CTNNA3: variants seen among roughly 807,000 people sequenced by gnomAD.
CTNNA3 encodes the protein catenin alpha-3.
In CTNNA3, 76 loss-of-function variants were observed where a neutral mutation model predicts 95.7. The observed-to-expected ratio is 0.79, with a 90% CI of 0.66 to 0.96. The LOEUF is 0.96. CTNNA3 is among the 40% of genes least tolerant of loss of function. CTNNA3 has a pLI of 0.00. For missense variants in CTNNA3, 1,191 were observed against 1,089.8 expected (o/e 1.09, Z -1.31); for synonymous variants, 431 against 374.4 (o/e 1.15, Z -1.74).
intron 11 of CTNNA3, among the ~76,000 whole-genome samples, chr10:66,474,257 G>A (rs1839243109): frequency 6.6e-6 from 1 of 151,956 alleles, no homozygotes. Flanking sequence ...CAAACACTAT[G>A]TCTATGAGAT....
At chr10:66,408,118 C>G (rs148363791) in intron 11 of CTNNA3, among the ~76,000 whole-genome samples, 19 of 152,286 alleles carry the variant, frequency 1.2e-4, no homozygotes, top group African/African-American at 4.1e-4. Context: ...AAAATGCCTA[C>G]ACATAGCTTC....
At chr10:67,315,302 A>G (rs1453458682) in intron 5 of CTNNA3, among the ~76,000 whole-genome samples, 1 of 152,184 alleles carries the variant, frequency 6.6e-6, no homozygotes, top group African/African-American at 2.4e-5. Context: ...ATTGATCATT[A>G]AATTGGGTGA....
chr10:66,929,727 A>G (rs1487549410), intron 7 of CTNNA3, among the ~76,000 whole-genome samples: 2 of 152,230 alleles, frequency 1.3e-5, no homozygotes, highest in African/African-American at 4.8e-5. Context: ...ACAGTTCTGT[A>G]CAGACCCTGT....
intron 11 of CTNNA3, among the ~76,000 whole-genome samples, chr10:66,492,479 G>A (rs1839958176): frequency 6.6e-6 from 1 of 151,308 alleles, no homozygotes; most frequent in Non-Finnish European, 1.5e-5. Context: ...GTAGAGACAG[G>A]GTCTTGCTAT....
intron 12 of CTNNA3, among the ~76,000 whole-genome samples, chr10:66,335,060 T>G: frequency 6.6e-6 from 1 of 152,120 alleles, no homozygotes; most frequent in Non-Finnish European, 1.5e-5. Context: ...GTAGTTCTCG[T>G]GCCATGGTTT....
intron 1 of CTNNA3, among the ~76,000 whole-genome samples, chr10:67,736,717 AGTGCTGGGATTTGGGAGCCAC>A (rs1407021948): frequency 6.6e-6 from 1 of 152,022 alleles, no homozygotes; most frequent in Non-Finnish European, 1.5e-5. Context: ...GGCCTCCCAA[AGTGCTGGGATTTGGGAGCCAC>A]CACACCCGGC....
intron 6 of CTNNA3, among the ~76,000 whole-genome samples, chr10:67,194,365 A>C (rs1336197794): frequency 6.6e-6 from 1 of 152,052 alleles, no homozygotes; most frequent in Non-Finnish European, 1.5e-5. Flanking sequence ...CAGACAATGG[A>C]ATATTACTCA....
At chr10:66,667,609 G>T (rs1397882901) in intron 9 of CTNNA3, among the ~76,000 whole-genome samples, 1 of 152,044 alleles carries the variant, frequency 6.6e-6, no homozygotes, top group Admixed American at 6.6e-5. Context: ...AGATTGCCTG[G>T]CTCTAGTATA....
At chr10:67,091,791 C>A (rs975891803) in intron 7 of CTNNA3, among the ~76,000 whole-genome samples, 1 of 151,892 alleles carries the variant, frequency 6.6e-6, no homozygotes, top group African/African-American at 2.4e-5. Context: ...AGATGGGCAA[C>A]AAGTAGATTA....
intron 7 of CTNNA3, among the ~76,000 whole-genome samples, chr10:66,994,826 A>G (rs1182000745): frequency 6.6e-6 from 1 of 152,190 alleles, no homozygotes. Context: ...TCCTTTGAGA[A>G]TTTCTATACA....
At chr10:66,646,224 A>G (rs1051601851) in intron 9 of CTNNA3, among the ~76,000 whole-genome samples, 2 of 152,152 alleles carry the variant, frequency 1.3e-5, no homozygotes, top group Non-Finnish European at 2.9e-5. Flanking sequence ...AACTAATACA[A>G]TATGAAAAAA....
intron 7 of CTNNA3, among the ~76,000 whole-genome samples, chr10:67,102,666 C>G (rs879712197): frequency 5.3e-5 from 8 of 151,770 alleles, no homozygotes; most frequent in Non-Finnish European, 8.8e-5. Flanking sequence ...AATAATATTT[C>G]AAATGTATCA....
chr10:66,164,705 T>A (rs968324173), intron 13 of CTNNA3, among the ~76,000 whole-genome samples: 2 of 152,198 alleles, frequency 1.3e-5, no homozygotes, highest in Admixed American at 1.3e-4. Flanking sequence ...AATATGGTTG[T>A]GTTCTATGTG....
At chr10:66,462,547 C>T (rs925852899) in intron 11 of CTNNA3, among the ~76,000 whole-genome samples, 2 of 152,046 alleles carry the variant, frequency 1.3e-5, no homozygotes, top group Non-Finnish European at 2.9e-5. Flanking sequence ...CTCTTTATTA[C>T]CTATTTTGTC....
chr10:66,324,381 AT>A (rs1236437117), intron 12 of CTNNA3, among the ~76,000 whole-genome samples: 1 of 152,142 alleles, frequency 6.6e-6, no homozygotes, highest in Non-Finnish European at 1.5e-5. Flanking sequence ...GTGTAATCCA[AT>A]TCTTCCAGGA....
chr10:67,203,118 A>G (rs981071204), intron 6 of CTNNA3, among the ~76,000 whole-genome samples: 1 of 152,078 alleles, frequency 6.6e-6, no homozygotes, highest in South Asian at 2.1e-4. Flanking sequence ...AATTCAGTTT[A>G]TCCTCTGATA....
intron 7 of CTNNA3, among the ~76,000 whole-genome samples, chr10:67,057,452 C>T (rs1052581987): frequency 6.6e-6 from 1 of 152,164 alleles, no homozygotes; most frequent in African/African-American, 2.4e-5. Flanking sequence ...GCTACCTACC[C>T]TTCTACTCTC....
chr10:66,369,606 A>C (rs1189240639), intron 12 of CTNNA3, among the ~76,000 whole-genome samples: 1 of 152,192 alleles, frequency 6.6e-6, no homozygotes, highest in Non-Finnish European at 1.5e-5. Flanking sequence ...GCTAAATAGA[A>C]TTTACCCATG....
chr10:67,174,729 G>T (rs1210782488), intron 7 of CTNNA3, among the ~76,000 whole-genome samples: 1 of 151,998 alleles, frequency 6.6e-6, no homozygotes, highest in African/African-American at 2.4e-5. Context: ...TGAATCATCA[G>T]CTCCTATATT....
Sources: allele counts gnomAD v4.1 joint callset (sites outside exome capture counted in the v4.1 genomes callset), GRCh38; gene constraint gnomAD v4.1.1; transcripts MANE v1.5; gene names NCBI Gene and HGNC (gene_info 2026-07-23, HGNC 2026-07-21).